Variants in RGPD1 observed in about 807,000 individuals in gnomAD.
RGPD1 encodes the protein RANBP2 like and GRIP domain containing 1, also known as RANBP2-like and GRIP domain-containing protein 1.
Under a neutral mutation model 40.6 loss-of-function variants are expected in RGPD1, and 7 were observed. That is an observed-to-expected ratio of 0.17 (90% CI 0.10 to 0.32). The LOEUF (loss-of-function observed/expected upper bound fraction) is 0.32. Among genes scored for constraint, RGPD1 ranks in the 10% least tolerant of loss-of-function variants. The probability of loss-of-function intolerance (pLI) is 1.00; values close to 1 mark genes in which losing one functional copy is unlikely to be tolerated. For synonymous variants in RGPD1, 24 were observed against 167.0 expected (o/e 0.14, Z 6.60); for missense variants, 50 against 472.5 (o/e 0.11, Z 8.29).
At chr2:87,008,791 A>G (rs1261318387) in intron 22 of RGPD1, among the ~76,000 whole-genome samples, 1 of 51,398 alleles carries the variant, frequency 1.9e-5, no homozygotes, top group Non-Finnish European at 3.7e-5. Context: ...AAAAAACACC[A>G]TAACAGAAAT....
At chr2:86,938,615 T>A (rs866952677), upstream of RGPD1, among the ~76,000 whole-genome samples, 1,079 of 150,100 alleles carry the variant, frequency 7.2e-3, 3 homozygotes, top group African/African-American at 0.02. Flanking sequence ...AAAAAAAAAA[T>A]AAATAAATAA....
intron 4 of RGPD1, among the ~76,000 whole-genome samples, chr2:86,954,993 T>C (rs1231648621): frequency 2.5e-5 from 1 of 39,980 alleles, no homozygotes; most frequent in Non-Finnish European, 5.5e-5. Flanking sequence ...ATGTGTGACT[T>C]TTTTTTTTCT....
Position 86,914,332 on chromosome 2 carries a change from GGGC to G in RGPD1, c.72+442_72+444del, listed in dbSNP as rs1247052388. ...CGGCGGCGGCGGCCTCGGCCTGGCC[GGGC>G]GGCGGCGGCGGCGGCGGCGGCGGCG... On this transcript the variant is annotated intron_variant, in intron 1 of 22. Coordinates refer to the RGPD1 transcript ENST00000398193. Among the ~76,000 whole-genome samples the G allele has an allele frequency of 6.1e-3, 67 of 11,012 alleles. 7 individuals are homozygous for G. The highest frequency in any genetic ancestry group is 8.3e-3 in the African/African-American group (9 of 1,080). The allele number at this position is 11,012 out of a possible 152,430, so 7.2% of individuals were successfully genotyped here. A position where few individuals can be genotyped will look rare whatever the true frequency, so the allele number is the denominator to read the frequency against.
intron 1 of RGPD1, among the ~76,000 whole-genome samples, chr2:86,943,266 C>T (rs1365499425): frequency 7.3e-6 from 1 of 137,426 alleles, no homozygotes; most frequent in Non-Finnish European, 1.6e-5. Flanking sequence ...TCATACTCAC[C>T]TCCCTCGCCC....
At chr2:86,943,700 G>A (rs557278893) in intron 1 of RGPD1, among the ~76,000 whole-genome samples, 31 of 152,246 alleles carry the variant, frequency 2.0e-4, no homozygotes, top group African/African-American at 7.2e-4. Flanking sequence ...ACAAGTCACT[G>A]TTTTTATTGT....
chr2:87,007,340 G>A (rs1370466301), intron 22 of RGPD1, among the ~76,000 whole-genome samples: 1 of 146,276 alleles, frequency 6.8e-6, no homozygotes, highest in Non-Finnish European at 1.5e-5. Flanking sequence ...AGCTGGGACT[G>A]TAGGTGCATG....
At chr2:87,000,382 T>C (rs1385962758) in intron 22 of RGPD1, among the ~76,000 whole-genome samples, 1 of 101,204 alleles carries the variant, frequency 9.9e-6, no homozygotes, top group Non-Finnish European at 1.8e-5. Context: ...GGTCCATTGA[T>C]TTAGAAGTTC....
chr2:86,938,599 C>CAAAA (rs67807927), upstream of RGPD1, among the ~76,000 whole-genome samples: 1 of 145,150 alleles, frequency 6.9e-6, no homozygotes, highest in African/African-American at 2.6e-5. Context: ...GACTCCATCT[C>CAAAA]AAAAAAAAAA....
intron 1 of RGPD1, among the ~76,000 whole-genome samples, chr2:86,936,028 G>T (rs1679329245): frequency 7.7e-6 from 1 of 129,598 alleles, no homozygotes; most frequent in Non-Finnish European, 1.7e-5. Context: ...TTTTTGAGAT[G>T]GAGTCTCGTT....
At chr2:86,943,465 G>A (rs1680079140) in intron 1 of RGPD1, among the ~76,000 whole-genome samples, 1 of 152,034 alleles carries the variant, frequency 6.6e-6, no homozygotes. Context: ...TTAGTAATTG[G>A]ATCTAAAGAG....
intron 8 of RGPD1, among the ~76,000 whole-genome samples, chr2:86,971,337 C>T (rs1157692379): frequency 1.0e-3 from 2 of 1,968 alleles, no homozygotes; most frequent in Admixed American, 0.016. Flanking sequence ...CATGAGCCAC[C>T]GTGCCCAGCC....
intron 1 of RGPD1, among the ~76,000 whole-genome samples, chr2:86,942,710 C>G (rs1341561658): frequency 5.8e-5 from 8 of 138,622 alleles, no homozygotes; most frequent in African/African-American, 8.0e-5. Flanking sequence ...CGACGTGGCC[C>G]GGCGGCGGCC....
intron 1 of RGPD1, among the ~76,000 whole-genome samples, chr2:86,925,499 C>G (rs377527385): frequency 1.3e-5 from 2 of 152,012 alleles, no homozygotes; most frequent in East Asian, 1.9e-4. Context: ...AACTCCTAAC[C>G]TCAAGTGATC....
intron 1 of RGPD1, among the ~76,000 whole-genome samples, chr2:86,926,110 A>G (rs1429826532): frequency 1.3e-5 from 2 of 152,304 alleles, no homozygotes; most frequent in African/African-American, 4.8e-5. Context: ...AATATATAAT[A>G]GACATAGAGG....
At chr2:86,941,926 G>C (rs1679795839), upstream of RGPD1, among the ~76,000 whole-genome samples, 1 of 151,794 alleles carries the variant, frequency 6.6e-6, no homozygotes, top group Admixed American at 6.6e-5. Context: ...TGGCCAGGCT[G>C]GTCTCCAACT....
At chr2:86,914,673 A>G (rs1164178460) in intron 1 of RGPD1, among the ~76,000 whole-genome samples, 8 of 8,916 alleles carry the variant, frequency 9.0e-4, no homozygotes, top group African/African-American at 2.1e-3. Context: ...GGCGGCCTCG[A>G]CCTGGCCGGG....
rs1277937942 is a variant in RGPD1, at chr2:86,923,320, A to G, written c.72+9399A>G. On this transcript the variant is annotated intron_variant, in intron 1 of 22. Transcript: ENST00000398193. Reference sequence around the variant, plus strand: ...GTCCCAAAGTGCTGGGATTACAGGCATGAGCCACTGCACCTGGCCTCCATG... The same window carrying G: ...GTCCCAAAGTGCTGGGATTACAGGCGTGAGCCACTGCACCTGGCCTCCATG... 3.3e-5 allele frequency among the ~76,000 whole-genome samples: 5 copies of G among 151,814 alleles called. No individual in the cohort carries two copies. The East Asian group carries it at 7.7e-4, about 23-fold the overall frequency.
intron 1 of RGPD1, among the ~76,000 whole-genome samples, chr2:86,943,961 C>T (rs1490991572): frequency 1.3e-5 from 2 of 151,862 alleles, no homozygotes; most frequent in African/African-American, 4.8e-5. Flanking sequence ...TTCCAGTGAG[C>T]CGAGGTCGCG....
intron 1 of RGPD1, among the ~76,000 whole-genome samples, chr2:86,947,856 C>CT (rs1680417418): frequency 8.7e-6 from 1 of 115,552 alleles, no homozygotes; most frequent in Non-Finnish European, 1.9e-5. Context: ...AGAACAGCAG[C>CT]TTTTTTGGAG....
Sources: allele counts gnomAD v4.1 joint callset (sites outside exome capture counted in the v4.1 genomes callset), GRCh38; gene constraint gnomAD v4.1.1; transcripts MANE v1.5; gene names NCBI Gene and HGNC (gene_info 2026-07-23, HGNC 2026-07-21).